The following WASF2 variants were observed in gnomAD, a reference collection of about 807,000 sequenced individuals.
The protein encoded by WASF2 is WASP family member 2.
WASF2 carries 14 observed loss-of-function variants against 45.0 expected under a neutral mutation model. That is an observed-to-expected ratio of 0.31 (90% CI 0.21 to 0.49). The LOEUF (loss-of-function observed/expected upper bound fraction) is 0.49. Ranked by LOEUF, WASF2 falls within the 20% of genes least tolerant of loss-of-function variation. The probability of loss-of-function intolerance (pLI) is 0.99; values close to 1 mark genes in which losing one functional copy is unlikely to be tolerated. For synonymous variants in WASF2, 200 were observed against 236.3 expected (o/e 0.85, Z 1.41); for missense variants, 439 against 636.1 (o/e 0.69, Z 3.33).
At chr1:27,454,187 A>ATATATATAT (rs1469446976) in intron 1 of WASF2, among the ~76,000 whole-genome samples, 1 of 12,776 alleles carries the variant, frequency 7.8e-5, no homozygotes, top group African/African-American at 2.1e-4. Flanking sequence ...ATATATATAT[A>ATATATATAT]TTTTTTTTTT....
At position 27,467,494 on chromosome 1, in the gene WASF2, C is replaced by A. The variant is rs1571157981; in HGVS notation, c.-44+22492G>T. 4.0e-5 allele frequency among the ~76,000 whole-genome samples: 6 copies of A among 149,904 alleles called. No individual in the cohort carries two copies. In the South Asian group the frequency reaches 1.3e-3, roughly 31 times the overall value. On this transcript the variant is annotated intron_variant, in intron 1 of 8. Transcript: ENST00000618852. ...TTTTTGGATTTTTTAGTAGAGACGG[C>A]ATTTCACCGTGTTAGCCAGGATGGT...
intron 1 of WASF2, among the ~76,000 whole-genome samples, chr1:27,458,127 C>T (rs1455525601): frequency 6.6e-6 from 1 of 151,606 alleles, no homozygotes; most frequent in Non-Finnish European, 1.5e-5. Flanking sequence ...TTGGGTAACA[C>T]AGCGAAACTC....
intron 1 of WASF2, among the ~76,000 whole-genome samples, chr1:27,441,627 G>A (rs1175343442): frequency 9.9e-5 from 15 of 152,072 alleles, no homozygotes; most frequent in Non-Finnish European, 1.5e-4. Flanking sequence ...GGTGGCGGGC[G>A]CCTGTAGTCC....
In WASF2 at chr1:27,464,873, C is replaced by T. The variant is rs575289411; in HGVS notation, c.-44+25113G>A. ...CTTCCCAAGTAGCTGGGATTACAGG[C>T]GCGTGCCACCACGCCCGGCTAATTA... is the stretch of plus-strand genomic sequence containing the variant. On this transcript the variant is annotated intron_variant, in intron 1 of 8. Transcript: ENST00000618852. Among the ~76,000 whole-genome samples the T allele has an allele frequency of 1.7e-4, 26 of 152,294 alleles. No individual in the cohort carries two copies. In the South Asian group the frequency reaches 5.0e-3, roughly 29 times the overall value.
At chr1:27,428,714 C>T (rs971950488) in intron 2 of WASF2, 47 bp downstream of exon 2, 2 of 1,613,720 alleles carry the variant, frequency 1.2e-6, no homozygotes, top group Non-Finnish European at 1.7e-6. Context: ...AAATAAAGAG[C>T]ACCAACGACC....
chr1:27,449,575 G>A (rs1040002978), intron 1 of WASF2, among the ~76,000 whole-genome samples: 1 of 151,804 alleles, frequency 6.6e-6, no homozygotes, highest in Non-Finnish European at 1.5e-5. Flanking sequence ...CTGCAGCCTG[G>A]GCAACAGAGC....
Position 27,461,521 on chromosome 1 carries a change from C to T in WASF2, c.-44+28465G>A, listed in dbSNP as rs1270595729. Among the ~76,000 whole-genome samples, 21 of 148,866 alleles carry T rather than the reference C, an allele frequency of 1.4e-4. 1 individual carries two copies. Among genetic ancestry groups the T allele is most frequent in the African/African-American group, 7.5e-5 (3 of 40,188 alleles). On this transcript the variant is annotated intron_variant, in intron 1 of 8. Coordinates refer to ENST00000618852, the MANE Select transcript of WASF2 (RefSeq NM_006990.5). ...TGTCTCCCCGGCTGGAGTGCAGTGA[C>T]GACGGATCTTGGCTCACTGCAAGCT...
chr1:27,413,581 C>T (rs1034028103), intron 6 of WASF2, among the ~76,000 whole-genome samples: 6 of 152,186 alleles, frequency 3.9e-5, no homozygotes, highest in Admixed American at 1.3e-4. Flanking sequence ...AGCCCTGGAG[C>T]CTTGGCACGT....
chr1:27,435,570 G>A (rs550479289), intron 1 of WASF2, among the ~76,000 whole-genome samples: 1 of 139,696 alleles, frequency 7.2e-6, no homozygotes, highest in African/African-American at 2.6e-5. Flanking sequence ...CTAGGCAACG[G>A]AGACTCTGAT....
intron 6 of WASF2, among the ~76,000 whole-genome samples, chr1:27,412,955 T>C (rs2016784083): frequency 6.6e-6 from 1 of 152,238 alleles, no homozygotes; most frequent in East Asian, 1.9e-4. Context: ...AGTAACAGGA[T>C]TCAACCCAGA....
chr1:27,419,580 A>T (rs1430209974), intron 2 of WASF2, among the ~76,000 whole-genome samples: 1 of 152,178 alleles, frequency 6.6e-6, no homozygotes, highest in Non-Finnish European at 1.5e-5. Context: ...GAGCCACTGC[A>T]CCCCATCCTG....
At chr1:27,464,247 G>C (rs1042370418) in intron 1 of WASF2, among the ~76,000 whole-genome samples, 13 of 151,832 alleles carry the variant, frequency 8.6e-5, no homozygotes, top group African/African-American at 2.9e-4. Flanking sequence ...TGGGCATGGT[G>C]GTGGGTGCCT....
At chr1:27,486,015 CG>C (rs2017919008) in intron 1 of WASF2, among the ~76,000 whole-genome samples, 1 of 152,034 alleles carries the variant, frequency 6.6e-6, no homozygotes, top group Non-Finnish European at 1.5e-5. Flanking sequence ...TGGCCTATCA[CG>C]TAAGTTTTAC....
At chr1:27,454,183 ATATATTTTTTTTTT>A (rs1379414544) in intron 1 of WASF2, among the ~76,000 whole-genome samples, 7 of 8,484 alleles carry the variant, frequency 8.3e-4, no homozygotes, top group African/African-American at 2.1e-3. Context: ...ATATATATAT[ATATATTTTTTTTTT>A]TTTTTTTTTT....
intron 1 of WASF2, among the ~76,000 whole-genome samples, chr1:27,487,678 A>T (rs1361235628): frequency 4.6e-5 from 5 of 109,640 alleles, no homozygotes; most frequent in Non-Finnish European, 6.8e-5. Flanking sequence ...TATATATTTT[A>T]TATAATATAT....
chr1:27,445,387 C>G (rs190297280), intron 1 of WASF2, among the ~76,000 whole-genome samples: 10 of 152,296 alleles, frequency 6.6e-5, no homozygotes, highest in Admixed American at 6.5e-4. Context: ...TTCCATGACA[C>G]CACACTGACT....
chr1:27,441,402 T>G (rs1452667867), intron 1 of WASF2, among the ~76,000 whole-genome samples: 14 of 139,354 alleles, frequency 1.0e-4, no homozygotes, highest in Admixed American at 9.8e-4. Context: ...CCGAGGTGGG[T>G]GGATCACTTG....
chr1:27,456,316 T>TAA (rs61319408), intron 1 of WASF2, among the ~76,000 whole-genome samples: 7 of 95,324 alleles, frequency 7.3e-5, no homozygotes, highest in African/African-American at 2.5e-4. Context: ...AGCGAGACTC[T>TAA]AAAAAAAAAA....
At chr1:27,440,079 G>C (rs188656808) in intron 1 of WASF2, among the ~76,000 whole-genome samples, 5 of 152,062 alleles carry the variant, frequency 3.3e-5, no homozygotes, top group African/African-American at 4.8e-5. Context: ...AAAAACAGAC[G>C]GAAAGGTTTT....
Sources: allele counts gnomAD v4.1 joint callset (sites outside exome capture counted in the v4.1 genomes callset), GRCh38; gene constraint gnomAD v4.1.1; transcripts MANE v1.5; gene names NCBI Gene and HGNC (gene_info 2026-07-23, HGNC 2026-07-21).